The following TICAM2 variants were observed in gnomAD, a reference collection of about 807,000 sequenced individuals.
The protein encoded by TICAM2 is TIR domain-containing adapter molecule 2.
In TICAM2, 8 loss-of-function variants were observed where a neutral mutation model predicts 7.3. That is an observed-to-expected ratio of 1.10 (90% CI 0.65 to 1.99). TICAM2 has a LOEUF of 1.99. Among genes scored for constraint, TICAM2 ranks in the 30% most tolerant of loss-of-function variants. The pLI is 0.00. For synonymous variants in TICAM2, 113 were observed against 99.6 expected (o/e 1.13, Z -0.80); for missense variants, 304 against 278.8 (o/e 1.09, Z -0.65).
At chr5:115,583,690 T>C (rs887363971) in intron 1 of TICAM2, among the ~76,000 whole-genome samples, 1 of 152,196 alleles carries the variant, frequency 6.6e-6, no homozygotes, top group African/African-American at 2.4e-5. Context: ...GATTCCTTAG[T>C]GCACTGTGGT....
intron 1 of TICAM2, among the ~76,000 whole-genome samples, chr5:115,593,177 C>T (rs986279739): frequency 1.3e-5 from 2 of 152,116 alleles, no homozygotes; most frequent in Non-Finnish European, 2.9e-5. Flanking sequence ...TAAGTAATCA[C>T]ATTGACAATT....
chr5:115,590,798 G>C (rs1393576517), intron 1 of TICAM2, among the ~76,000 whole-genome samples: 1 of 152,152 alleles, frequency 6.6e-6, no homozygotes, highest in Non-Finnish European at 1.5e-5. Context: ...AAAGGAAAGA[G>C]GAAATAACTC....
intron 1 of TICAM2, among the ~76,000 whole-genome samples, chr5:115,583,165 C>T (rs1754989309): frequency 6.6e-6 from 1 of 152,130 alleles, no homozygotes; most frequent in Non-Finnish European, 1.5e-5. Flanking sequence ...AAGGGTTTTG[C>T]TATGCAAAGT....
At position 115,588,401 on chromosome 5, in the gene TICAM2, C is replaced by T. The variant is rs573422297; in HGVS notation, c.-59-7086G>A. On this transcript the variant is annotated intron_variant, in intron 1 of 1. Transcript: ENST00000427199. ...GATGATAAAGTGACCTATGGGACTT[C>T]ACGTTGTACCTTTTAGAGAGAAGGT... Among the ~76,000 whole-genome samples, 10 of 152,220 alleles carry T rather than the reference C, an allele frequency of 6.6e-5. No individual in the cohort carries two copies. The South Asian group carries it at 2.1e-3, about 32-fold the overall frequency.
Position 115,602,313 on chromosome 5 carries a change from C to G in TICAM2, c.-276G>C, listed in dbSNP as rs1422618451. ...CGCGTGAGTCGGGGGCCCGCAGAGG[C>G]CTCACCCTTGGAGGTCGCCGCTTGT... On this transcript the variant is annotated 5_prime_UTR_variant, in exon 1 of 2. Coordinates refer to ENST00000427199, the MANE Select transcript of TICAM2 (RefSeq NM_021649.7). The G allele has an allele frequency of 6.6e-6, 1 of 152,330 alleles. No individual in the cohort carries two copies. Among genetic ancestry groups the G allele is most frequent in the Non-Finnish European group, 1.5e-5 (1 of 68,182 alleles). 9.4% of individuals were successfully genotyped at this position (152,330 alleles called of 1,614,324 possible).
intron 1 of TICAM2, among the ~76,000 whole-genome samples, chr5:115,598,900 T>A (rs934001166): frequency 6.6e-6 from 1 of 152,036 alleles, no homozygotes; most frequent in Non-Finnish European, 1.5e-5. Flanking sequence ...TTCATAAAGA[T>A]GAAAATATTG....
In TICAM2 at chr5:115,598,481, C is replaced by G. The variant is rs183177939; in HGVS notation, c.-60+3616G>C. ...GAGCAAGTAAATGTTTAAAAAAATG[C>G]TTCTATCCGATCTTCACCTGGGCAC... On this transcript the variant is annotated intron_variant, in intron 1 of 1. Coordinates refer to ENST00000427199, the MANE Select transcript of TICAM2 (RefSeq NM_021649.7). Among the ~76,000 whole-genome samples, 25 of 152,264 alleles carry G rather than the reference C, an allele frequency of 1.6e-4. No homozygotes were observed. In the East Asian group the frequency reaches 2.5e-3, roughly 15 times the overall value.
intron 1 of TICAM2, among the ~76,000 whole-genome samples, chr5:115,591,680 G>C (rs987420354): frequency 1.3e-5 from 2 of 151,940 alleles, no homozygotes; most frequent in Non-Finnish European, 2.9e-5. Flanking sequence ...AGCAGCAGAA[G>C]GAACTCATGA....
At chr5:115,596,379 C>A (rs1755511089) in intron 1 of TICAM2, among the ~76,000 whole-genome samples, 1 of 152,150 alleles carries the variant, frequency 6.6e-6, no homozygotes, top group South Asian at 2.1e-4. Flanking sequence ...ATAAAAATTT[C>A]TTGATATGAC....
intron 1 of TICAM2, 77 bp from the exon 2 acceptor site, chr5:115,581,392 A>C: frequency 7.0e-7 from 1 of 1,434,068 alleles, no homozygotes; most frequent in Non-Finnish European, 9.3e-7. Context: ...ATTCAAACTG[A>C]AAAGCTCAAA....
At chr5:115,593,446 T>G (rs1755387853) in intron 1 of TICAM2, among the ~76,000 whole-genome samples, 1 of 152,020 alleles carries the variant, frequency 6.6e-6, no homozygotes, top group Non-Finnish European at 1.5e-5. Flanking sequence ...AAATATCAAA[T>G]AGTTGGGCAT....
rs1754893996 is a variant in TICAM2 at position 115,580,841 on chromosome 5, A to G, written c.416T>C (p.Leu139Pro). The G allele has an allele frequency of 1.2e-6, 2 of 1,606,962 alleles. No individual in the cohort carries two copies. Among genetic ancestry groups the G allele is most frequent in the Non-Finnish European group, 8.5e-7 (1 of 1,176,094 alleles). Residue 139 changes from leucine to proline, a missense_variant, in exon 2 of 2, where the codon CTG (leucine) becomes CCG (proline). Coordinates refer to ENST00000427199, the MANE Select transcript of TICAM2 (RefSeq NM_021649.7). Reference protein sequence around the residue: ...VNGSAWTILLLTENFLRDTWC... With the variant: ...VNGSAWTILLPTENFLRDTWC... Reference sequence around the variant, plus strand: ...AGTATCTCTTAAAAAGTTTTCAGTCAGTAATAAGATTGTCCATGCAGACCC... The same window carrying G: ...AGTATCTCTTAAAAAGTTTTCAGTCGGTAATAAGATTGTCCATGCAGACCC...
intron 1 of TICAM2, among the ~76,000 whole-genome samples, chr5:115,587,198 T>G (rs1004691208): frequency 6.6e-6 from 1 of 152,134 alleles, no homozygotes; most frequent in Non-Finnish European, 1.5e-5. Flanking sequence ...GCTCAGGACT[T>G]TGGCTTTCAT....
At chr5:115,598,577 G>A (rs1302684542) in intron 1 of TICAM2, among the ~76,000 whole-genome samples, 2 of 152,130 alleles carry the variant, frequency 1.3e-5, no homozygotes, top group South Asian at 2.1e-4. Flanking sequence ...GAGTGCTCTG[G>A]CCAACAGACA....
intron 1 of TICAM2, among the ~76,000 whole-genome samples, chr5:115,594,920 C>T (rs1755451697): frequency 6.6e-6 from 1 of 152,220 alleles, no homozygotes; most frequent in Non-Finnish European, 1.5e-5. Flanking sequence ...AGCTCATCCC[C>T]ATCTGAGATG....
At chr5:115,601,122 A>G (rs771192439) in intron 1 of TICAM2, among the ~76,000 whole-genome samples, 26 of 151,298 alleles carry the variant, frequency 1.7e-4, no homozygotes, top group Middle Eastern at 3.2e-3. Flanking sequence ...GAGTTGCTTA[A>G]CTCCATTTAT....
At chr5:115,599,274 T>C (rs1401323322) in intron 1 of TICAM2, among the ~76,000 whole-genome samples, 1 of 152,080 alleles carries the variant, frequency 6.6e-6, no homozygotes, top group African/African-American at 2.4e-5. Context: ...CTATTGCCCC[T>C]ATTGGTGGGG....
rs781166658 is a variant in TICAM2, at chr5:115,581,302, C to T, written c.-46G>A. 3 of 1,598,918 alleles carry T rather than the reference C, an allele frequency of 1.9e-6. No homozygotes were observed. The highest frequency in any genetic ancestry group is 2.2e-5 in the South Asian group (2 of 90,776). ...GAGGAAAACTTTATGTATTTCTCAGCATTTCTTTTCAATCTAAAAGAAGTA... is the reference window on the plus strand; with the variant it reads ...GAGGAAAACTTTATGTATTTCTCAGTATTTCTTTTCAATCTAAAAGAAGTA... On this transcript the variant is annotated 5_prime_UTR_variant, in exon 2 of 2. The change abolishes an upstream ATG in the 5' untranslated region. Coordinates refer to ENST00000427199, the MANE Select transcript of TICAM2 (RefSeq NM_021649.7).
chr5:115,579,615 C>T lies in TICAM2; in HGVS notation c.*934G>A, dbSNP rs1754843093. ...AATAGGAGGTAATAAAATACATCTC[C>T]TTCTATCCAAAGTCTTTATAAATAA... On this transcript the variant is annotated 3_prime_UTR_variant, in exon 2 of 2. Transcript: ENST00000427199. 6.6e-6 allele frequency: 1 copy of T among 152,182 alleles called. No individual in the cohort carries two copies. The highest frequency in any genetic ancestry group is 6.5e-5 in the Admixed American group (1 of 15,276). The allele number at this position is 152,182 out of a possible 1,614,324, so 9.4% of individuals were successfully genotyped here. A position where few individuals can be genotyped will look rare whatever the true frequency, so the allele number is the denominator to read the frequency against.
Sources: gnomAD v4.1 joint callset for allele counts (sites outside exome capture counted in the v4.1 genomes callset) on GRCh38, gnomAD v4.1.1 for gene constraint, MANE v1.5 for transcripts, NCBI Gene and HGNC (gene_info 2026-07-23, HGNC 2026-07-21) for gene names.